The following KCNIP4 variants were observed in gnomAD, a reference collection of about 807,000 sequenced individuals.
The protein encoded by KCNIP4 is potassium voltage-gated channel interacting protein 4, also known as Kv channel-interacting protein 4.
A neutral mutation model predicts 34.0 loss-of-function variants in KCNIP4; 12 were observed. The ratio of observed to expected loss-of-function variants is 0.35; its 90% confidence interval spans 0.23 to 0.57. The LOEUF is 0.57. KCNIP4 is among the 20% of genes least tolerant of loss of function. KCNIP4 has a pLI of 0.83. For synonymous variants in KCNIP4, 124 were observed against 102.2 expected, an observed-to-expected ratio of 1.21 and a Z score of -1.29; for missense variants, 238 against 311.7, an observed-to-expected ratio of 0.76 and a Z score of 1.78.
At chr4:21,116,732 G>A (rs1381128590) in intron 1 of KCNIP4, among the ~76,000 whole-genome samples, 2 of 152,148 alleles carry the variant, frequency 1.3e-5, no homozygotes, top group African/African-American at 4.8e-5. Flanking sequence ...ATAATAGGCT[G>A]CTCACTATAA....
intron 1 of KCNIP4, among the ~76,000 whole-genome samples, chr4:21,597,627 TTTGA>T (rs759930094): frequency 6.6e-6 from 1 of 152,154 alleles, no homozygotes; most frequent in African/African-American, 2.4e-5. Flanking sequence ...AAGTGTTTTC[TTTGA>T]TTGGTCCTTT....
rs114843324 is a variant in KCNIP4 at position 21,382,784 on chromosome 4, C to T, written c.62-500075G>A. ...ACCAGAAACTATAAATGAAGTATTACCACACATCCTTTGATATAACCATTA... is the reference window on the plus strand; with the variant it reads ...ACCAGAAACTATAAATGAAGTATTATCACACATCCTTTGATATAACCATTA... On this transcript the variant is annotated intron_variant, in intron 1 of 8. Coordinates refer to ENST00000382152, the MANE Select transcript of KCNIP4 (RefSeq NM_025221.6). Among the ~76,000 whole-genome samples, 966 of 152,246 alleles carry T rather than the reference C, an allele frequency of 6.3e-3. 5 individuals are homozygous for T. The highest frequency in any genetic ancestry group is 0.034 in the Middle Eastern group (10 of 294).
At chr4:20,758,531 A>AT (rs1754672391) in intron 4 of KCNIP4, among the ~76,000 whole-genome samples, 2 of 152,148 alleles carry the variant, frequency 1.3e-5, no homozygotes, top group Admixed American at 1.3e-4. Flanking sequence ...GCTTTGTGGC[A>AT]TTTTTGAGCA....
intron 1 of KCNIP4, among the ~76,000 whole-genome samples, chr4:21,209,736 G>A (rs1455669596): frequency 6.6e-6 from 1 of 151,996 alleles, no homozygotes; most frequent in Non-Finnish European, 1.5e-5. Flanking sequence ...ATCCCTATCA[G>A]TGTCTTGTAC....
chr4:20,845,458 CT>C (rs1046193440), intron 3 of KCNIP4, among the ~76,000 whole-genome samples: 3 of 152,162 alleles, frequency 2.0e-5, no homozygotes, highest in Non-Finnish European at 2.9e-5. Context: ...TAACTTTCCA[CT>C]GCTTACCCTA....
At chr4:21,245,395 A>C (rs1760124062) in intron 1 of KCNIP4, among the ~76,000 whole-genome samples, 1 of 152,152 alleles carries the variant, frequency 6.6e-6, no homozygotes, top group Non-Finnish European at 1.5e-5. Flanking sequence ...AAGAAGATAG[A>C]TATTGCAAAT....
rs913079029 is a variant in KCNIP4 at position 21,108,006 on chromosome 4, G to A, written c.62-225297C>T. 2.0e-5 allele frequency among the ~76,000 whole-genome samples: 3 copies of A among 151,212 alleles called. 1 individual carries two copies. Among genetic ancestry groups the A allele is most frequent in the Non-Finnish European group, 4.4e-5 (3 of 68,018 alleles). On this transcript the variant is annotated intron_variant, in intron 1 of 8. Coordinates refer to ENST00000382152, the MANE Select transcript of KCNIP4 (RefSeq NM_025221.6). ...ATGGGCTTCCCTTTGTGGGTAACCC[G>A]ACCCTTTCTCTCTGGCTGCCCTTAA...
intron 1 of KCNIP4, among the ~76,000 whole-genome samples, chr4:21,237,103 G>A (rs533492126): frequency 6.6e-6 from 1 of 151,634 alleles, no homozygotes; most frequent in African/African-American, 2.4e-5. Context: ...CCACAGAAAT[G>A]AACATAAACA....
chr4:21,280,229 G>A (rs897041646), intron 1 of KCNIP4, among the ~76,000 whole-genome samples: 4 of 152,130 alleles, frequency 2.6e-5, no homozygotes, highest in Non-Finnish European at 5.9e-5. Context: ...ACTATGTAAT[G>A]CACCCCATTC....
chr4:21,585,911 A>G (rs1268413428), intron 1 of KCNIP4, among the ~76,000 whole-genome samples: 2 of 152,124 alleles, frequency 1.3e-5, no homozygotes, highest in African/African-American at 4.8e-5. Flanking sequence ...TTGAACAACT[A>G]CCAAAGAATA....
chr4:21,502,628 C>A (rs1163286395), intron 1 of KCNIP4, among the ~76,000 whole-genome samples: 14 of 152,120 alleles, frequency 9.2e-5, no homozygotes, highest in Admixed American at 8.5e-4. Context: ...CCTAAGTTAT[C>A]TTTATCCGAA....
chr4:21,275,622 G>A (rs548098212), intron 1 of KCNIP4, among the ~76,000 whole-genome samples: 1 of 152,288 alleles, frequency 6.6e-6, no homozygotes, highest in East Asian at 1.9e-4. Flanking sequence ...CAGATAAGGA[G>A]GACTCTGAGC....
intron 3 of KCNIP4, among the ~76,000 whole-genome samples, chr4:20,842,217 G>GA (rs1719816413): frequency 1.3e-5 from 2 of 152,174 alleles, no homozygotes; most frequent in African/African-American, 2.4e-5. Flanking sequence ...AATAAGCCAT[G>GA]AAAAAATATA....
intron 1 of KCNIP4, among the ~76,000 whole-genome samples, chr4:21,695,244 G>A (rs143206250): frequency 1.1e-4 from 17 of 152,092 alleles, no homozygotes; most frequent in African/African-American, 2.9e-4. Context: ...TTTCCAAGTC[G>A]CATTTTGAGT....
intron 1 of KCNIP4, among the ~76,000 whole-genome samples, chr4:21,395,871 T>A (rs1415008088): frequency 6.6e-6 from 1 of 152,130 alleles, no homozygotes; most frequent in Admixed American, 6.5e-5. Flanking sequence ...CTTATTTGGT[T>A]TAAATGAGAT....
chr4:20,969,114 C>A (rs993543370), intron 1 of KCNIP4, among the ~76,000 whole-genome samples: 9 of 152,024 alleles, frequency 5.9e-5, no homozygotes, highest in Non-Finnish European at 8.8e-5. Context: ...TCATCTGGTA[C>A]AAAAGTATGT....
At chr4:21,519,500 G>GTATGTGTGTATACACACGTGTGTGTA in intron 1 of KCNIP4, among the ~76,000 whole-genome samples, 1 of 33,880 alleles carries the variant, frequency 3.0e-5, no homozygotes, top group African/African-American at 1.2e-4. Flanking sequence ...ATGTGTGTAT[G>GTATGTGTGTATACACACGTGTGTGTA]TGTATGTGTA....
intron 1 of KCNIP4, among the ~76,000 whole-genome samples, chr4:21,233,968 T>C (rs1458821600): frequency 7.3e-6 from 1 of 136,684 alleles, no homozygotes; most frequent in Non-Finnish European, 1.5e-5. Flanking sequence ...ATAACATATA[T>C]TATATAACAT....
chr4:21,304,893 A>G (rs1045607607), intron 1 of KCNIP4, among the ~76,000 whole-genome samples: 2 of 152,104 alleles, frequency 1.3e-5, no homozygotes, highest in Admixed American at 6.6e-5. Flanking sequence ...ACCAAAATAT[A>G]TACAGTATTT....
Sources: gnomAD v4.1 joint callset for allele counts (sites outside exome capture counted in the v4.1 genomes callset) on GRCh38, gnomAD v4.1.1 for gene constraint, MANE v1.5 for transcripts, NCBI Gene and HGNC (gene_info 2026-07-23, HGNC 2026-07-21) for gene names.